Variants in DCAF5 observed in about 807,000 individuals in gnomAD.
The protein encoded by DCAF5 is DDB1 and CUL4 associated factor 5.
A neutral mutation model predicts 80.7 loss-of-function variants in DCAF5; 9 were observed. The ratio of observed to expected loss-of-function variants is 0.11; its 90% confidence interval spans 0.07 to 0.19. The LOEUF is 0.19. DCAF5 is among the 10% of genes least tolerant of loss of function. The pLI is 1.00. For synonymous variants in DCAF5, 433 were observed against 461.9 expected, an observed-to-expected ratio of 0.94 and a Z score of 0.80; for missense variants, 842 against 1,205.7, an observed-to-expected ratio of 0.70 and a Z score of 4.47.
At chr14:69,097,924 C>G (rs1212625614) in intron 5 of DCAF5, among the ~76,000 whole-genome samples, 1 of 152,124 alleles carries the variant, frequency 6.6e-6, no homozygotes, top group African/African-American at 2.4e-5. Flanking sequence ...CCTAGCTTGT[C>G]TCTGCTTTCA....
intron 5 of DCAF5, among the ~76,000 whole-genome samples, chr14:69,115,978 G>C (rs1260828983): frequency 6.6e-6 from 1 of 152,096 alleles, no homozygotes. Flanking sequence ...CCCTGACTCA[G>C]CAGCAACAAG....
At chr14:69,151,424 G>T (rs1416028531) in intron 1 of DCAF5, among the ~76,000 whole-genome samples, 1 of 152,190 alleles carries the variant, frequency 6.6e-6, no homozygotes, top group Non-Finnish European at 1.5e-5. Context: ...CAAGATCCCA[G>T]AAGTTTCTGG....
At chr14:69,056,810 T>G (rs1415032912) in intron 8 of DCAF5, among the ~76,000 whole-genome samples, 2 of 152,262 alleles carry the variant, frequency 1.3e-5, no homozygotes, top group Admixed American at 1.3e-4. Flanking sequence ...AGAGGTGGTA[T>G]CTCTGCAGAG....
Position 69,152,985 on chromosome 14 carries a change from ACCGCCGCCG to A in DCAF5, c.-16_-8del, listed in dbSNP as rs769501663. On this transcript the variant is annotated 5_prime_UTR_variant, in exon 1 of 9. Coordinates refer to ENST00000341516, the MANE Select transcript of DCAF5 (RefSeq NM_003861.3). This position sits in a 1 kb window ranked among gnomAD's most constrained non-coding sequence, Gnocchi z 4.1. ...GGCCAGCTCTCCTCTTCATGCTGGA[ACCGCCGCCG>A]CCGCCGCTCGCGCCGCCGCCCCTCC... 6.5e-7 allele frequency: 1 copy of A among 1,544,110 alleles called. No individual in the cohort carries two copies. Among genetic ancestry groups the A allele is most frequent in the East Asian group, 2.5e-5 (1 of 39,652 alleles).
chr14:69,079,099 A>C (rs2039006817), intron 6 of DCAF5, among the ~76,000 whole-genome samples: 1 of 152,202 alleles, frequency 6.6e-6, no homozygotes, highest in African/African-American at 2.4e-5. Context: ...TACCACTGCA[A>C]ACTAAACAAA....
At chr14:69,075,817 C>T (rs916780716) in intron 6 of DCAF5, among the ~76,000 whole-genome samples, 8 of 152,100 alleles carry the variant, frequency 5.3e-5, no homozygotes, top group Non-Finnish European at 1.2e-4. Flanking sequence ...TCTATCTGTA[C>T]AGAGATTTCC....
intron 5 of DCAF5, among the ~76,000 whole-genome samples, chr14:69,102,568 CTTT>C (rs1213812510): frequency 3.5e-5 from 3 of 85,206 alleles, no homozygotes; most frequent in Non-Finnish European, 7.6e-5. Flanking sequence ...ACTTTTTAAA[CTTT>C]TTATTTTGTT....
chr14:69,082,566 C>T (rs999257936), intron 6 of DCAF5, among the ~76,000 whole-genome samples: 7 of 152,112 alleles, frequency 4.6e-5, no homozygotes, highest in Admixed American at 2.0e-4. Context: ...AACAAAGTGG[C>T]CAGCGTTACT....
chr14:69,081,382 C>A (rs182397554), intron 6 of DCAF5, among the ~76,000 whole-genome samples: 6 of 152,244 alleles, frequency 3.9e-5, no homozygotes, highest in African/African-American at 1.4e-4. Context: ...CACACATTAT[C>A]CATAATCTTT....
At position 69,075,427 on chromosome 14, in the gene DCAF5, A is replaced by AT; in HGVS notation, c.880-17dup. ...AAAGGATATACTGTTGGAACAAAAAATATATAGATAACATTATATATTATA... is the reference window on the plus strand; with the variant it reads ...AAAGGATATACTGTTGGAACAAAAAATTATATAGATAACATTATATATTATA... On this transcript the variant is annotated splice_polypyrimidine_tract_variant and intron_variant, in intron 6 of 8. Transcript: ENST00000341516. 6.6e-7 allele frequency: 1 copy of AT among 1,517,508 alleles called. No homozygotes were observed. The highest frequency in any genetic ancestry group is 1.4e-5 in the African/African-American group (1 of 73,268). The allele number at this position is 1,517,508 out of a possible 1,614,324, so 94.0% of individuals were successfully genotyped here.
chr14:69,084,771 C>A, intron 6 of DCAF5: 2 of 1,126,934 alleles, frequency 1.8e-6, no homozygotes, highest in Non-Finnish European at 2.6e-6. Context: ...AATAAGCATA[C>A]GACCACATTC....
chr14:69,135,065 A>T (rs917203905), intron 1 of DCAF5, among the ~76,000 whole-genome samples: 4 of 152,242 alleles, frequency 2.6e-5, no homozygotes, highest in Non-Finnish European at 5.9e-5. Flanking sequence ...GACACTTGAA[A>T]GGATACGATG....
At chr14:69,125,222 T>C (rs546247765) in intron 1 of DCAF5, among the ~76,000 whole-genome samples, 2 of 152,254 alleles carry the variant, frequency 1.3e-5, no homozygotes, top group African/African-American at 4.8e-5. Context: ...TGATGGACAG[T>C]TGAAGGGATT....
intron 7 of DCAF5, among the ~76,000 whole-genome samples, chr14:69,074,854 T>C (rs1352630667): frequency 6.6e-6 from 1 of 152,068 alleles, no homozygotes; most frequent in East Asian, 1.9e-4. Context: ...GCCAACATGG[T>C]GAAACCCTGT....
intron 5 of DCAF5, among the ~76,000 whole-genome samples, chr14:69,094,161 A>AC (rs1177765419): frequency 6.6e-6 from 1 of 152,172 alleles, no homozygotes; most frequent in Non-Finnish European, 1.5e-5. Flanking sequence ...GGCCAGCCTC[A>AC]CCACCCATAG....
intron 5 of DCAF5, among the ~76,000 whole-genome samples, chr14:69,102,944 A>T (rs958893858): frequency 6.6e-6 from 1 of 152,204 alleles, no homozygotes; most frequent in Non-Finnish European, 1.5e-5. Flanking sequence ...CTGGCAGCAC[A>T]GTATGTTTGT....
chr14:69,082,206 C>T (rs1029005307), intron 6 of DCAF5, among the ~76,000 whole-genome samples: 1 of 152,182 alleles, frequency 6.6e-6, no homozygotes, highest in Non-Finnish European at 1.5e-5. Context: ...CCACAAATAC[C>T]AACCAAAGCA....
intron 6 of DCAF5, among the ~76,000 whole-genome samples, chr14:69,081,448 A>T (rs962361355): frequency 2.0e-5 from 3 of 152,192 alleles, no homozygotes; most frequent in Non-Finnish European, 4.4e-5. Context: ...CTCACTTTTC[A>T]TTCATTCTGT....
chr14:69,072,627 A>T (rs1225233011), intron 7 of DCAF5, among the ~76,000 whole-genome samples: 6 of 32,444 alleles, frequency 1.8e-4, no homozygotes, highest in East Asian at 9.5e-3. Flanking sequence ...TGACTTTAAA[A>T]AAAAAAAAAA....
Sources: allele counts gnomAD v4.1 joint callset (sites outside exome capture counted in the v4.1 genomes callset), GRCh38; gene constraint gnomAD v4.1.1; non-coding constraint Gnocchi (gnomAD v3.1); transcripts MANE v1.5; gene names NCBI Gene and HGNC (gene_info 2026-07-23, HGNC 2026-07-21).